RYR3: variants seen among roughly 807,000 people sequenced by gnomAD.
The protein encoded by RYR3 is ryanodine receptor 3.
Under a neutral mutation model 584.3 loss-of-function variants are expected in RYR3, and 207 were observed. The ratio of observed to expected loss-of-function variants is 0.35; its 90% CI spans 0.32 to 0.40. RYR3 has a LOEUF of 0.40. Ranked by LOEUF, RYR3 falls within the 10% of genes least tolerant of loss-of-function variation. The pLI is 1.00. For missense variants in RYR3, 5,616 were observed against 6,089.2 expected, an observed-to-expected ratio of 0.92 and a Z score of 2.59; for synonymous variants, 2,416 against 2,248.5, an observed-to-expected ratio of 1.07 and a Z score of -2.11.
intron 89 of RYR3, among the ~76,000 whole-genome samples, chr15:33,840,250 C>T (rs566883306): frequency 6.6e-6 from 1 of 152,286 alleles, no homozygotes; most frequent in South Asian, 2.1e-4. Context: ...TTTGGAATTA[C>T]TCCTGGAATG....
chr15:33,773,202 G>T (rs559255299), intron 63 of RYR3, among the ~76,000 whole-genome samples: 1 of 152,286 alleles, frequency 6.6e-6, no homozygotes, highest in South Asian at 2.1e-4. Context: ...ATAAAACTGG[G>T]CTAAAATGTC....
intron 64 of RYR3, among the ~76,000 whole-genome samples, chr15:33,776,559 A>G (rs1362194870): frequency 6.6e-6 from 1 of 152,136 alleles, no homozygotes. Context: ...CCTTTGACCA[A>G]TTATTTCTGA....
At chr15:33,697,227 G>A (rs941556390) in intron 39 of RYR3, among the ~76,000 whole-genome samples, 2 of 152,106 alleles carry the variant, frequency 1.3e-5, no homozygotes, top group Non-Finnish European at 2.9e-5. Flanking sequence ...ATCCTTGGAG[G>A]GAAATGCACT....
At chr15:33,557,574 G>T (rs559850708) in intron 10 of RYR3, among the ~76,000 whole-genome samples, 1 of 152,100 alleles carries the variant, frequency 6.6e-6, no homozygotes, top group East Asian at 1.9e-4. Context: ...TAGTAGAGAT[G>T]GGGTTTCACC....
At chr15:33,447,724 C>T (rs2046790253) in intron 1 of RYR3, among the ~76,000 whole-genome samples, 1 of 152,186 alleles carries the variant, frequency 6.6e-6, no homozygotes, top group South Asian at 2.1e-4. Context: ...ATTTCAAGGG[C>T]TCAATAGCCA....
intron 15 of RYR3, among the ~76,000 whole-genome samples, chr15:33,584,817 A>G (rs554604304): frequency 1.6e-5 from 2 of 124,784 alleles, no homozygotes; most frequent in South Asian, 2.4e-4. Context: ...GTCTCCTTCT[A>G]ACTCCCATTA....
intron 70 of RYR3, among the ~76,000 whole-genome samples, chr15:33,809,752 CAGCCT>C (rs1291929334): frequency 1.2e-4 from 18 of 152,190 alleles, no homozygotes; most frequent in Non-Finnish European, 1.9e-4. Context: ...TGTCCTGCCT[CAGCCT>C]CCCAAGTAGC....
At chr15:33,376,899 C>T (rs2040792343) in intron 1 of RYR3, among the ~76,000 whole-genome samples, 1 of 152,100 alleles carries the variant, frequency 6.6e-6, no homozygotes, top group African/African-American at 2.4e-5. Context: ...TATTGAATTC[C>T]TTGGTGCCTT....
intron 1 of RYR3, among the ~76,000 whole-genome samples, chr15:33,441,075 A>C (rs1190509648): frequency 6.6e-6 from 1 of 152,216 alleles, no homozygotes; most frequent in Non-Finnish European, 1.5e-5. Context: ...ATTATCAAGC[A>C]CTTTGTGCCC....
At chr15:33,563,756 T>A (rs147305579) in intron 11 of RYR3, among the ~76,000 whole-genome samples, 1 of 152,284 alleles carries the variant, frequency 6.6e-6, no homozygotes, top group African/African-American at 2.4e-5. Context: ...ATGAACAGTT[T>A]TCCAGAATGC....
intron 27 of RYR3, among the ~76,000 whole-genome samples, chr15:33,641,570 A>G (rs1595935438): frequency 1.3e-5 from 2 of 152,210 alleles, no homozygotes; most frequent in South Asian, 2.1e-4. Flanking sequence ...AAATGTATCT[A>G]GTTATCGAAT....
Position 33,696,382 on chromosome 15 carries a change from A to G in RYR3, c.6025A>G (p.Thr2009Ala), listed in dbSNP as rs888626789. ...GCGGAAGACCTACACCATCAGCCAC[A>G]CCTCTGTAAGCGACACCATCAACCT... is the stretch of plus-strand genomic sequence containing the variant. ...ALRKTYTISHTSVSDTINLLA... is the reference protein window; with the variant it reads ...ALRKTYTISHASVSDTINLLA... The change falls in exon 39 of 104, where the codon ACC becomes GCC. Residue 2009 changes from threonine to alanine, a missense_variant. Transcript: ENST00000634891. 12 of 1,613,618 alleles carry G rather than the reference A, an allele frequency of 7.4e-6. No individual in the cohort carries two copies. In the African/African-American group the frequency reaches 1.6e-4, roughly 22 times the overall value.
intron 69 of RYR3, among the ~76,000 whole-genome samples, chr15:33,805,671 G>A (rs2076159702): frequency 6.6e-6 from 1 of 151,476 alleles, no homozygotes; most frequent in South Asian, 2.1e-4. Flanking sequence ...TAGAGACAGG[G>A]TTTCACTGTG....
At chr15:33,763,238 C>G (rs968996191) in intron 60 of RYR3, among the ~76,000 whole-genome samples, 7 of 152,156 alleles carry the variant, frequency 4.6e-5, no homozygotes, top group African/African-American at 1.7e-4. Context: ...ACATCAAAAG[C>G]AATGGCAACA....
At chr15:33,560,174 TA>T (rs1314260723) in intron 10 of RYR3, among the ~76,000 whole-genome samples, 2 of 152,214 alleles carry the variant, frequency 1.3e-5, no homozygotes, top group African/African-American at 4.8e-5. Flanking sequence ...GTGCTGTCAA[TA>T]AAATCAAGCC....
chr15:33,777,616 T>C (rs2074081816), intron 64 of RYR3, among the ~76,000 whole-genome samples: 1 of 151,974 alleles, frequency 6.6e-6, no homozygotes, highest in South Asian at 2.1e-4. Context: ...GTGGTCAGGT[T>C]TGTTAGTAAT....
At chr15:33,430,879 T>C (rs1396341194) in intron 1 of RYR3, among the ~76,000 whole-genome samples, 1 of 151,964 alleles carries the variant, frequency 6.6e-6, no homozygotes, top group Non-Finnish European at 1.5e-5. Context: ...CCCCCAAGAG[T>C]GGGTCCCTGC....
At chr15:33,724,834 TA>T (rs1440752386) in intron 45 of RYR3, among the ~76,000 whole-genome samples, 2 of 152,162 alleles carry the variant, frequency 1.3e-5, no homozygotes, top group African/African-American at 2.4e-5. Context: ...TCTGAATTCC[TA>T]GGATTCCAAT....
At chr15:33,560,885 T>C (rs532810918) in intron 10 of RYR3, among the ~76,000 whole-genome samples, 94 of 152,086 alleles carry the variant, frequency 6.2e-4, no homozygotes, top group Admixed American at 1.8e-3. Context: ...TTCATACTTA[T>C]CCTTGGATGT....
Sources: allele counts gnomAD v4.1 joint callset (sites outside exome capture counted in the v4.1 genomes callset), GRCh38; gene constraint gnomAD v4.1.1; transcripts MANE v1.5; gene names NCBI Gene and HGNC (gene_info 2026-07-23, HGNC 2026-07-21).